ABCA1: variants seen among roughly 807,000 people sequenced by gnomAD.
The protein encoded by ABCA1 is phospholipid-transporting ATPase ABCA1.
In ABCA1, 133 loss-of-function variants were observed where a neutral mutation model predicts 262.5. The ratio of observed to expected loss-of-function variants is 0.51; its 90% confidence interval spans 0.44 to 0.59. ABCA1 has a LOEUF of 0.59. Among genes scored for constraint, ABCA1 ranks in the 20% least tolerant of loss-of-function variants. The pLI, the probability that ABCA1 is intolerant of heterozygous loss-of-function variation, is 0.00. For missense variants in ABCA1, 2,452 were observed against 2,777.5 expected (o/e 0.88, Z 2.63); for synonymous variants, 1,022 against 1,043.5 (o/e 0.98, Z 0.40).
chr9:104,907,435 G>C (rs1841228072), intron 1 of ABCA1, among the ~76,000 whole-genome samples: 1 of 152,112 alleles, frequency 6.6e-6, no homozygotes. Context: ...CTTCATCCCT[G>C]TTTTCCTTAG....
At chr9:104,870,405 A>C (rs1462682370) in intron 5 of ABCA1, among the ~76,000 whole-genome samples, 2 of 152,168 alleles carry the variant, frequency 1.3e-5, no homozygotes, top group Admixed American at 1.3e-4. Flanking sequence ...TGAGCCTCCA[A>C]CCCTCTCTGC....
intron 4 of ABCA1, 140 bp downstream of exon 4, chr9:104,884,287 C>G: frequency 9.4e-7 from 1 of 1,066,792 alleles, no homozygotes; most frequent in Non-Finnish European, 1.4e-6. Context: ...TCCCTTCCCT[C>G]ATTCTGCAGA....
chr9:104,837,609 TATACTG>T, intron 9 of ABCA1, 42 bp from the exon 10 acceptor site: 1 of 1,610,356 alleles, frequency 6.2e-7, no homozygotes, highest in Non-Finnish European at 8.5e-7. Flanking sequence ...TGCATGGTCA[TATACTG>T]ATAGAAACTT....
rs567734891 is a variant in ABCA1 at position 104,845,946 on chromosome 9, G to GA, written c.721-378dup. On this transcript the variant is annotated intron_variant, in intron 7 of 49. Transcript: ENST00000374736. The stretch of plus-strand genomic sequence containing the variant: ...GAATGGCTTTGAGAAACAAGTTAAT[G>GA]ACGGCTCACAAGAAAGGAAGAAAAT... Among the ~76,000 whole-genome samples, 13 of 152,290 alleles carry GA rather than the reference G, an allele frequency of 8.5e-5. No homozygotes were observed. In the South Asian group the frequency reaches 2.5e-3, roughly 29 times the overall value.
intron 2 of ABCA1, among the ~76,000 whole-genome samples, chr9:104,895,124 A>C (rs549445898): frequency 6.6e-6 from 1 of 152,354 alleles, no homozygotes; most frequent in African/African-American, 2.4e-5. Flanking sequence ...ATTCCTACAG[A>C]AAACTCTTCT....
rs759477148 is a variant in ABCA1 at position 104,787,008 on chromosome 9, T to TG, written c.6205-33dup. 1.0e-4 allele frequency: 158 copies of TG among 1,569,350 alleles called. 2 individuals are homozygous for TG. The highest frequency in any genetic ancestry group is 9.5e-4 in the South Asian group (82 of 86,162). On this transcript the variant is annotated intron_variant, in intron 46 of 49. Coordinates refer to ENST00000374736, the MANE Select transcript of ABCA1 (RefSeq NM_005502.4). Reference sequence around the variant, plus strand: ...TTAGAATAAAATAAGTCTTATTTGCTGGGGGGAAAAAAAATCAAAGATAAA... The same window carrying TG: ...TTAGAATAAAATAAGTCTTATTTGCTGGGGGGGAAAAAAAATCAAAGATAAA...
Position 104,798,514 on chromosome 9 carries a change from C to T in ABCA1, c.5028G>A (p.Leu1676=). 5.6e-6 allele frequency: 9 copies of T among 1,614,132 alleles called. No individual in the cohort carries two copies. Among genetic ancestry groups the T allele is most frequent in the Non-Finnish European group, 6.8e-6 (8 of 1,180,022 alleles). Residue 1676 remains leucine (L), a synonymous_variant, in exon 37 of 50, where the codon CTG becomes CTA. Transcript: ENST00000374736. The part of the protein sequence containing the change: ...SFVPASFVVF[L]IQERVSKAKH... ...TTGCTTTGCTGACCCGCTCCTGGAT[C>T]AGGAATACGACAAAGCTGGCTGGGA...
chr9:104,890,019 C>G (rs1839567648), intron 2 of ABCA1, among the ~76,000 whole-genome samples: 1 of 152,190 alleles, frequency 6.6e-6, no homozygotes. Context: ...GATAAATTAG[C>G]AGACGGACAA....
At chr9:104,812,461 A>C in intron 28 of ABCA1, 113 bp downstream of exon 28, 1 of 1,388,196 alleles carries the variant, frequency 7.2e-7, no homozygotes, top group Non-Finnish European at 1.0e-6. Context: ...AATACAGATA[A>C]ATCTGGCTCC....
chr9:104,882,517 A>G (rs1053849722), intron 5 of ABCA1, among the ~76,000 whole-genome samples: 2 of 152,366 alleles, frequency 1.3e-5, no homozygotes, highest in South Asian at 2.1e-4. Flanking sequence ...GATACTTACC[A>G]GATCAGAGGT....
At chr9:104,890,515 A>G (rs1188439776) in intron 2 of ABCA1, among the ~76,000 whole-genome samples, 1 of 151,892 alleles carries the variant, frequency 6.6e-6, no homozygotes, top group African/African-American at 2.4e-5. Flanking sequence ...CAGGAGGCAG[A>G]GGTTGCGGTG....
At position 104,814,557 on chromosome 9, in the gene ABCA1, A is replaced by T. The variant is rs1051028564; in HGVS notation, c.3739-82T>A. ...CACTGCCACGATTATTATATTACTG[A>T]GTGGCATGTTAGCCCCGTAAGACAG... is the stretch of plus-strand genomic sequence containing the variant. On this transcript the variant is annotated intron_variant, in intron 25 of 49. Transcript: ENST00000374736. 1.3e-5 allele frequency: 17 copies of T among 1,326,816 alleles called. No individual in the cohort carries two copies. In the Admixed American group the frequency reaches 2.9e-4, roughly 22 times the overall value. 82.2% of individuals were successfully genotyped at this position (1,326,816 alleles called of 1,614,324 possible).
chr9:104,792,146 A>G lies in ABCA1; in HGVS notation c.5758-148T>C, dbSNP rs77172757. On this transcript the variant is annotated intron_variant, in intron 42 of 49. Transcript: ENST00000374736. ...CCATAGGCATATTTGATGTGCCAAGAGCCTTGGTCTGCGTTTGTGGCGACT... is the reference window on the plus strand; with the variant it reads ...CCATAGGCATATTTGATGTGCCAAGGGCCTTGGTCTGCGTTTGTGGCGACT... 1.5e-4 allele frequency: 111 copies of G among 762,344 alleles called. No individual in the cohort carries two copies. The African/African-American group carries it at 1.7e-3, about 12-fold the overall frequency. 47.2% of individuals were successfully genotyped at this position (762,344 alleles called of 1,614,324 possible). A position where few individuals can be genotyped will look rare whatever the true frequency, so the allele number is the denominator to read the frequency against.
chr9:104,877,666 T>C (rs1049289310), intron 5 of ABCA1, among the ~76,000 whole-genome samples: 1 of 152,258 alleles, frequency 6.6e-6, no homozygotes, highest in East Asian at 1.9e-4. Context: ...TGAGCTTCAC[T>C]ATCAGTCATC....
intron 1 of ABCA1, among the ~76,000 whole-genome samples, chr9:104,926,022 A>AC (rs1826294648): frequency 6.6e-6 from 1 of 151,842 alleles, no homozygotes; most frequent in Non-Finnish European, 1.5e-5. Context: ...CCGTTAAAAA[A>AC]AAAAGAAAAA....
At chr9:104,805,355 G>A (rs960622990) in intron 31 of ABCA1, among the ~76,000 whole-genome samples, 3 of 152,198 alleles carry the variant, frequency 2.0e-5, no homozygotes, top group Admixed American at 6.5e-5. Flanking sequence ...GATTACAGGT[G>A]TGAGCCACCC....
intron 9 of ABCA1, 135 bp from the exon 10 acceptor site, chr9:104,837,702 T>C (rs1026869421): frequency 2.8e-6 from 3 of 1,063,522 alleles, no homozygotes; most frequent in Middle Eastern, 2.5e-4. Flanking sequence ...AAGTAACTTA[T>C]CTGAGCCTCA....
chr9:104,785,610 C>A lies in ABCA1; in HGVS notation c.6431G>T (p.Arg2144Leu). The A allele has an allele frequency of 1.2e-6, 2 of 1,614,032 alleles. No homozygotes were observed. Among genetic ancestry groups the A allele is most frequent in the South Asian group, 2.2e-5 (2 of 91,058 alleles). The part of the protein sequence containing the change: ...RFGDGYTIVV[R>L]IAGSNPDLKP... ...CAGGTCCGGGTTGGACCCTGCTATT[C>A]GTACAACTATTGTATAACCATCTCC... The change falls in exon 49 of 50, where the codon CGA (arginine) becomes CTA (leucine). Residue 2144 changes from arginine to leucine, a missense_variant. This residue lies in a region of ABCA1 where 752 missense variants were observed against 944.5 expected (regional missense o/e 0.80). Transcript: ENST00000374736.
chr9:104,886,123 A>G (rs566469408), intron 3 of ABCA1, among the ~76,000 whole-genome samples: 2 of 152,312 alleles, frequency 1.3e-5, no homozygotes, highest in African/African-American at 4.8e-5. Flanking sequence ...AAATGAGCCT[A>G]TGAGGATTTT....
Sources: allele counts gnomAD v4.1 joint callset (sites outside exome capture counted in the v4.1 genomes callset), GRCh38; gene constraint gnomAD v4.1.1; regional missense constraint gnomAD v4.1.1; transcripts MANE v1.5; gene names NCBI Gene and HGNC (gene_info 2026-07-23, HGNC 2026-07-21).